Variants in CNNM1 observed in about 807,000 individuals in gnomAD.
CNNM1 encodes metal transporter CNNM1.
A neutral mutation model predicts 78.8 loss-of-function variants in CNNM1; 44 were observed. That is an observed-to-expected ratio of 0.56 (90% confidence interval 0.44 to 0.72). The LOEUF (loss-of-function observed/expected upper bound fraction) is 0.72. CNNM1 is among the 30% of genes least tolerant of loss of function. CNNM1 has a pLI of 0.00. For synonymous variants in CNNM1, 584 were observed against 581.5 expected (o/e 1.00, Z -0.06); for missense variants, 1,101 against 1,292.2 (o/e 0.85, Z 2.27).
At chr10:99,380,347 T>C (rs2032102513) in intron 7 of CNNM1, among the ~76,000 whole-genome samples, 1 of 152,028 alleles carries the variant, frequency 6.6e-6, no homozygotes, top group Non-Finnish European at 1.5e-5. Context: ...AGTAGAAAAG[T>C]GAAGGAGATT....
At chr10:99,350,972 G>T (rs1392093851) in intron 1 of CNNM1, among the ~76,000 whole-genome samples, 2 of 152,186 alleles carry the variant, frequency 1.3e-5, no homozygotes, top group Non-Finnish European at 2.9e-5. Flanking sequence ...CAACCAGATT[G>T]TCTCCATACA....
chr10:99,372,017 A>G (rs2031819890), intron 6 of CNNM1, among the ~76,000 whole-genome samples: 1 of 152,148 alleles, frequency 6.6e-6, no homozygotes, highest in South Asian at 2.1e-4. Context: ...ATGGGAGCTT[A>G]GCATTCTACT....
intron 7 of CNNM1, among the ~76,000 whole-genome samples, chr10:99,382,441 A>C (rs535387329): frequency 6.6e-6 from 1 of 152,304 alleles, no homozygotes; most frequent in East Asian, 1.9e-4. Flanking sequence ...GGGATGAATA[A>C]ACCACTTGAA....
intron 1 of CNNM1, among the ~76,000 whole-genome samples, chr10:99,334,330 G>A (rs1371720224): frequency 6.6e-6 from 1 of 152,174 alleles, no homozygotes. Flanking sequence ...GGTGAAAGCT[G>A]GGTTGAACTG....
In CNNM1 at chr10:99,388,269, C is replaced by T. The variant is rs530085647; in HGVS notation, c.2642C>T (p.Thr881Met). Reference sequence around the variant, plus strand: ...GAGGAGCACAGCACACAGCAGCTCACGCTGTCTCCTGCAGCCGTTCCCACG... The same window carrying T: ...GAGGAGCACAGCACACAGCAGCTCATGCTGTCTCCTGCAGCCGTTCCCACG... Reference protein sequence around the residue: ...DFEEHSTQQLTLSPAAVPTRA... With the variant: ...DFEEHSTQQLMLSPAAVPTRA... Residue 881 changes from threonine (T) to methionine (M), a missense_variant, in exon 9 of 11, where the codon ACG becomes ATG. By Grantham distance (81) the Thr-to-Met change is moderately conservative (BLOSUM62 -1). Transcript: ENST00000356713. 1.6e-5 allele frequency: 26 copies of T among 1,613,814 alleles called. No individual in the cohort carries two copies. Among genetic ancestry groups the T allele is most frequent in the South Asian group, 7.7e-5 (7 of 91,076 alleles).
intron 1 of CNNM1, among the ~76,000 whole-genome samples, chr10:99,351,282 AT>A (rs2030936841): frequency 6.6e-6 from 1 of 152,176 alleles, no homozygotes; most frequent in Non-Finnish European, 1.5e-5. Context: ...CTCAGAGGAG[AT>A]TAGTACAGAA....
Position 99,384,436 on chromosome 10 carries a change from T to C in CNNM1, c.2341-3384T>C, listed in dbSNP as rs116497131. 9.0e-3 allele frequency among the ~76,000 whole-genome samples: 1,364 copies of C among 152,288 alleles called. 13 individuals are homozygous for C. Among genetic ancestry groups the C allele is most frequent in the African/African-American group, 0.031 (1,307 of 41,548 alleles). On this transcript the variant is annotated intron_variant, in intron 7 of 10. Coordinates refer to ENST00000356713, the MANE Select transcript of CNNM1 (RefSeq NM_020348.3). ...GAGGATTTAGCCATTGGGTGGTACCTTTCCTTTTATATAAACACCCACCAA... is the reference window on the plus strand; with the variant it reads ...GAGGATTTAGCCATTGGGTGGTACCCTTCCTTTTATATAAACACCCACCAA...
In CNNM1 at chr10:99,388,178, C is replaced by T. The variant is rs768066443; in HGVS notation, c.2551C>T (p.Pro851Ser). The change falls in exon 9 of 11, where the codon CCC (proline) becomes TCC (serine). Residue 851 changes from proline (P) to serine (S), a missense_variant. Coordinates refer to ENST00000356713, the MANE Select transcript of CNNM1 (RefSeq NM_020348.3). The part of the protein sequence containing the change: ...PCSRSDGLRS[P>S]SEVVYLRMEE... Reference sequence around the variant, plus strand: ...CAGCCGCTCAGACGGGCTGAGAAGCCCCAGCGAGGTAGTGTACCTGAGGAT... The same window carrying T: ...CAGCCGCTCAGACGGGCTGAGAAGCTCCAGCGAGGTAGTGTACCTGAGGAT... The T allele has an allele frequency of 6.8e-6, 11 of 1,613,940 alleles. No individual in the cohort carries two copies. The highest frequency in any genetic ancestry group is 9.3e-6 in the Non-Finnish European group (11 of 1,179,896).
chr10:99,329,799 G>C lies in CNNM1; in HGVS notation c.412G>C (p.Asp138His). Residue 138 changes from aspartate to histidine, a missense_variant, in exon 1 of 11, where the codon GAC becomes CAC. Asp to His is a moderately conservative substitution (Grantham distance 81). Coordinates refer to ENST00000356713, the MANE Select transcript of CNNM1 (RefSeq NM_020348.3). ...PGPQRCREQS[D>H]WASDVEVLGP... ...ACCGCAGCGCTGCAGGGAGCAGAGC[G>C]ACTGGGCATCGGACGTGGAAGTCCT... is the stretch of plus-strand genomic sequence containing the variant. 6.8e-7 allele frequency: 1 copy of C among 1,474,186 alleles called. No homozygotes were observed. Among genetic ancestry groups the C allele is most frequent in the Non-Finnish European group, 8.9e-7 (1 of 1,118,862 alleles). 91.3% of individuals were successfully genotyped at this position (1,474,186 alleles called of 1,614,324 possible).
At chr10:99,365,147 C>T (rs746327881) in intron 6 of CNNM1, 145 bp downstream of exon 6, 3 of 791,078 alleles carry the variant, frequency 3.8e-6, no homozygotes, top group Non-Finnish European at 6.5e-6. Context: ...GCCAGGAACA[C>T]TGCTTCCTGC....
In CNNM1 at chr10:99,362,228, A is replaced by G; in HGVS notation, c.1860A>G (p.Glu620=). 1 of 1,609,034 alleles carries G rather than the reference A, an allele frequency of 6.2e-7. No homozygotes were observed. The highest frequency in any genetic ancestry group is 8.5e-7 in the Non-Finnish European group (1 of 1,177,866). Residue 620 remains glutamate, a splice_region_variant and synonymous_variant, in exon 4 of 11, where the codon GAA becomes GAG. Transcript: ENST00000356713. ...LLATHRFMAT[E]VEPFKSLYLS... ...CCCTTCCCACTCACTCTCCTCTAGAAGTGGAGCCCTTTAAGTCTCTGTACC... is the reference window on the plus strand; with the variant it reads ...CCCTTCCCACTCACTCTCCTCTAGAGGTGGAGCCCTTTAAGTCTCTGTACC...
chr10:99,356,558 C>CAGAAAGAAAGAAAGAAAAGAAA (rs1355245134), intron 1 of CNNM1, among the ~76,000 whole-genome samples: 74 of 45,768 alleles, frequency 1.6e-3, no homozygotes, highest in East Asian at 5.5e-3. Context: ...GACAGACAGA[C>CAGAAAGAAAGAAAGAAAAGAAA]AGACAGAAAG....
At chr10:99,373,189 A>G (rs763624998) in intron 6 of CNNM1, among the ~76,000 whole-genome samples, 8 of 152,196 alleles carry the variant, frequency 5.3e-5, no homozygotes, top group South Asian at 2.1e-4. Context: ...TTCCCTGAAC[A>G]TATCTTGAAT....
chr10:99,373,615 A>G (rs1430380152), intron 6 of CNNM1, among the ~76,000 whole-genome samples: 1 of 152,148 alleles, frequency 6.6e-6, no homozygotes, highest in African/African-American at 2.4e-5. Context: ...TTTTTGTTAC[A>G]TAGATATATT....
chr10:99,335,165 C>T (rs2030114490), intron 1 of CNNM1, among the ~76,000 whole-genome samples: 1 of 152,230 alleles, frequency 6.6e-6, no homozygotes, highest in African/African-American at 2.4e-5. Flanking sequence ...TTTATAATTA[C>T]AGTAATTGCT....
chr10:99,355,146 A>AT (rs2031089224), intron 1 of CNNM1, among the ~76,000 whole-genome samples: 1 of 152,034 alleles, frequency 6.6e-6, no homozygotes, highest in Non-Finnish European at 1.5e-5. Context: ...CTTGACTGAT[A>AT]TTTTTTAGCA....
In CNNM1 at chr10:99,393,454, G is replaced by A. The variant is rs1005822896; in HGVS notation, c.*1938G>A. On this transcript the variant is annotated 3_prime_UTR_variant, in exon 11 of 11. Transcript: ENST00000356713. ...TATTTATTCTTGTATGTTTTTTCCA[G>A]AGCATTAAAGCTTTCATAAGGTTCT... The A allele has an allele frequency of 8.5e-5, 13 of 152,304 alleles. No homozygotes were observed. The allele number at this position is 152,304 out of a possible 1,614,324, so 9.4% of individuals were successfully genotyped here. A position where few individuals can be genotyped will look rare whatever the true frequency, so the allele number is the denominator to read the frequency against.
chr10:99,368,850 T>C (rs2031714781), intron 6 of CNNM1, among the ~76,000 whole-genome samples: 1 of 152,202 alleles, frequency 6.6e-6, no homozygotes, highest in Non-Finnish European at 1.5e-5. Flanking sequence ...CACCCAGGCA[T>C]TGCTGGTTCA....
chr10:99,369,259 A>G (rs1035868977), intron 6 of CNNM1, among the ~76,000 whole-genome samples: 1 of 152,228 alleles, frequency 6.6e-6, no homozygotes. Context: ...CAATGATTCA[A>G]TGACTGAGTA....
Sources: allele counts gnomAD v4.1 joint callset (sites outside exome capture counted in the v4.1 genomes callset), GRCh38; gene constraint gnomAD v4.1.1; transcripts MANE v1.5; gene names NCBI Gene and HGNC (gene_info 2026-07-23, HGNC 2026-07-21).